CR1: variants seen among roughly 807,000 people sequenced by gnomAD.
CR1 encodes complement C3b/C4b receptor 1 (Knops blood group).
In CR1, 116 loss-of-function variants were observed where a neutral mutation model predicts 187.3. The observed-to-expected ratio is 0.62, with a 90% CI of 0.53 to 0.72. The LOEUF (loss-of-function observed/expected upper bound fraction) is 0.72. CR1 is among the 30% of genes least tolerant of loss of function. CR1 has a pLI of 0.00. For missense variants in CR1, 1,731 were observed against 2,110.7 expected (o/e 0.82, Z 3.52); for synonymous variants, 576 against 747.1 (o/e 0.77, Z 3.73).
intron 1 of CR1, among the ~76,000 whole-genome samples, chr1:207,497,993 T>G (rs1317235852): frequency 6.6e-6 from 1 of 152,222 alleles, no homozygotes; most frequent in Non-Finnish European, 1.5e-5. Context: ...AAGTAGGTGG[T>G]GGAGTTTTAT....
At chr1:207,630,391 T>G (rs1183409768) in intron 45 of CR1, 126 bp from the exon 46 acceptor site, 1 of 585,586 alleles carries the variant, frequency 1.7e-6, no homozygotes, top group Non-Finnish European at 3.0e-6. Flanking sequence ...TTCAGACGTC[T>G]TGCAAAGATA....
At chr1:207,597,039 T>C (rs1661466593) in intron 35 of CR1, among the ~76,000 whole-genome samples, 2 of 149,002 alleles carry the variant, frequency 1.3e-5, no homozygotes, top group Admixed American at 6.7e-5. Flanking sequence ...TATTATTTTA[T>C]ATCAATAAAA....
At chr1:207,592,247 C>A (rs566026837) in intron 35 of CR1, among the ~76,000 whole-genome samples, 1 of 152,162 alleles carries the variant, frequency 6.6e-6, no homozygotes, top group Non-Finnish European at 1.5e-5. Flanking sequence ...TTATCCACAA[C>A]GATCAAGCTG....
In CR1 at chr1:207,523,948, C is replaced by A; in HGVS notation, c.825C>A (p.Pro275=). Residue 275 remains proline (P), a synonymous_variant, in exon 5 of 47, where the codon CCC becomes CCA. Coordinates refer to ENST00000367049, the MANE Select transcript of CR1 (RefSeq NM_000651.6). ...RCQPGFVMKG[P]RRVKCQALNK... ...AGCCTGGCTTTGTCATGAAAGGACCCCGCCGTGTGAAGTGCCAGGCCCTGA... is the reference window on the plus strand; with the variant it reads ...AGCCTGGCTTTGTCATGAAAGGACCACGCCGTGTGAAGTGCCAGGCCCTGA... 1 of 1,611,738 alleles carries A rather than the reference C, an allele frequency of 6.2e-7. No homozygotes were observed. The highest frequency in any genetic ancestry group is 8.5e-7 in the Non-Finnish European group (1 of 1,179,724).
In CR1 at chr1:207,523,755, C is replaced by A. The variant is rs905671575; in HGVS notation, c.632C>A (p.Pro211His). Residue 211 changes from proline (P) to histidine (H), a missense_variant, in exon 5 of 47, where the codon CCC (proline) becomes CAC (histidine). Physicochemically the swap from Pro to His is moderately conservative, Grantham distance 77. Coordinates refer to ENST00000367049, the MANE Select transcript of CR1 (RefSeq NM_000651.6). ...GRKVFELVGE[P>H]SIYCTSNDDQ... Reference sequence around the variant, plus strand: ...AAGGTGTTTGAGCTTGTGGGTGAGCCCTCCATATACTGCACCAGCAATGAC... The same window carrying A: ...AAGGTGTTTGAGCTTGTGGGTGAGCACTCCATATACTGCACCAGCAATGAC... 5.0e-6 allele frequency: 8 copies of A among 1,611,972 alleles called. No homozygotes were observed. Among genetic ancestry groups the A allele is most frequent in the African/African-American group, 2.7e-5 (2 of 74,840 alleles).
intron 45 of CR1, among the ~76,000 whole-genome samples, chr1:207,627,054 T>C (rs921763827): frequency 1.8e-4 from 28 of 151,710 alleles, no homozygotes; most frequent in African/African-American, 6.3e-4. Context: ...CATAAATAAA[T>C]AAATTAAATA....
Position 207,618,124 on chromosome 1 carries a change from T to C in CR1, c.6943T>C (p.Ser2315Pro). Residue 2315 changes from serine to proline, a missense_variant, in exon 42 of 47, where the codon TCT becomes CCT. Transcript: ENST00000367049. ...CGGGCATTACATTGGAGGACACGTA[T>C]CTCTATATCTTCCTGGGATGACAAT... ...QNGHYIGGHVSLYLPGMTISY... is the reference protein window; with the variant it reads ...QNGHYIGGHVPLYLPGMTISY... 6.2e-6 allele frequency: 10 copies of C among 1,613,958 alleles called. No homozygotes were observed. Among genetic ancestry groups the C allele is most frequent in the Non-Finnish European group, 8.5e-6 (10 of 1,179,868 alleles).
At chr1:207,618,524 T>C (rs1036163767) in intron 42 of CR1, among the ~76,000 whole-genome samples, 1 of 152,130 alleles carries the variant, frequency 6.6e-6, no homozygotes, top group Non-Finnish European at 1.5e-5. Context: ...TGTTTTAAAG[T>C]GGGGTCAAAA....
At chr1:207,602,856 A>G (rs1571582866) in intron 35 of CR1, among the ~76,000 whole-genome samples, 5 of 152,154 alleles carry the variant, frequency 3.3e-5, no homozygotes, top group Admixed American at 6.5e-5. Flanking sequence ...TTCTTTATGT[A>G]GGTAACAACC....
At chr1:207,586,493 G>A (rs1558249462) in intron 33 of CR1, among the ~76,000 whole-genome samples, 1 of 152,184 alleles carries the variant, frequency 6.6e-6, no homozygotes, top group Admixed American at 6.5e-5. Flanking sequence ...CACTGTATTA[G>A]TTTCCTAGGG....
Position 207,619,818 on chromosome 1 carries a change from C to T in CR1, c.7067-62C>T, listed in dbSNP as rs184133664. The T allele has an allele frequency of 5.2e-5, 75 of 1,442,270 alleles. No individual in the cohort carries two copies. The African/African-American group carries it at 5.9e-4, about 11-fold the overall frequency. The allele number at this position is 1,442,270 out of a possible 1,614,324, so 89.3% of individuals were successfully genotyped here. A position where few individuals can be genotyped will look rare whatever the true frequency, so the allele number is the denominator to read the frequency against. ...GGTTTTGGCTATTTTCTCCTATTCT[C>T]GCAGTTAAAACGGACAATCAACAAT... On this transcript the variant is annotated intron_variant, in intron 42 of 46. Coordinates refer to ENST00000367049, the MANE Select transcript of CR1 (RefSeq NM_000651.6).
intron 4 of CR1, among the ~76,000 whole-genome samples, chr1:207,515,162 C>T (rs1659756128): frequency 1.9e-5 from 1 of 52,306 alleles, no homozygotes; most frequent in Non-Finnish European, 3.6e-5. Flanking sequence ...TATACATATA[C>T]ATATATAGGT....
chr1:207,582,368 T>G (rs1660983955), intron 32 of CR1, among the ~76,000 whole-genome samples: 1 of 152,218 alleles, frequency 6.6e-6, no homozygotes, highest in Non-Finnish European at 1.5e-5. Context: ...ATATACTCAT[T>G]CTTTCAACAG....
chr1:207,632,175 G>C (rs750404530), intron 46 of CR1, among the ~76,000 whole-genome samples: 1 of 152,096 alleles, frequency 6.6e-6, no homozygotes, highest in African/African-American at 2.4e-5. Flanking sequence ...TAGCTTATTT[G>C]TCATTACTGT....
At position 207,618,070 on chromosome 1, in the gene CR1, G is replaced by T; in HGVS notation, c.6890-1G>T. ...GTGTTTGTGTGGGAACTTGTTCTTA[G>T]CCTGCCCACATCCACCCAAGATCCA... On this transcript the variant is annotated splice_acceptor_variant, in intron 41 of 46. Coordinates refer to ENST00000367049, the MANE Select transcript of CR1 (RefSeq NM_000651.6). LOFTEE classifies it high-confidence loss of function. 6.2e-7 allele frequency: 1 copy of T among 1,612,248 alleles called. No individual in the cohort carries two copies.
intron 46 of CR1, among the ~76,000 whole-genome samples, chr1:207,634,635 C>G (rs912957747): frequency 1.3e-5 from 2 of 149,446 alleles, no homozygotes; most frequent in Non-Finnish European, 3.0e-5. Context: ...GAGCTGGAGG[C>G]CTCATCAGGA....
Position 207,638,837 on chromosome 1 carries a change from A to G in CR1, c.7458-560A>G, listed in dbSNP as rs185664447. 5.4e-3 allele frequency among the ~76,000 whole-genome samples: 826 copies of G among 152,334 alleles called. 4 individuals carry two copies. Among genetic ancestry groups the G allele is most frequent in the African/African-American group, 0.018 (764 of 41,584 alleles). On this transcript the variant is annotated intron_variant, in intron 46 of 46. Coordinates refer to ENST00000367049, the MANE Select transcript of CR1 (RefSeq NM_000651.6). ...CTACAGTCCCCTCAGGCAGTGGGCC[A>G]TATACCCCTGTGGAGATTTTTTGTG... is the stretch of plus-strand genomic sequence containing the variant.
At position 207,523,968 on chromosome 1, in the gene CR1, C is replaced by T; in HGVS notation, c.845C>T (p.Ala282Val). ...MKGPRRVKCQ[A>V]LNKWEPELPS... Reference sequence around the variant, plus strand: ...GGACCCCGCCGTGTGAAGTGCCAGGCCCTGAACAAATGGGAGCCGGAGCTA... The same window carrying T: ...GGACCCCGCCGTGTGAAGTGCCAGGTCCTGAACAAATGGGAGCCGGAGCTA... Residue 282 changes from alanine (A) to valine (V), a missense_variant, in exon 5 of 47, where the codon GCC becomes GTC. Physicochemically the swap from Ala to Val is moderately conservative, Grantham distance 64. Transcript: ENST00000367049. 6.2e-7 allele frequency: 1 copy of T among 1,611,770 alleles called. No homozygotes were observed. The highest frequency in any genetic ancestry group is 1.1e-5 in the South Asian group (1 of 90,994).
In CR1 at chr1:207,618,247, G is replaced by A. The variant is rs1662207570; in HGVS notation, c.7066G>A (p.Glu2356Lys). The A allele has an allele frequency of 1.2e-6, 2 of 1,612,836 alleles. No homozygotes were observed. The highest frequency in any genetic ancestry group is 2.7e-5 in the African/African-American group (2 of 74,862). ...GAGCCAATTGGATCATTATTGCAAA[G>A]GTGACTTATTTCTTGGTATTCCTTA... ...IWSQLDHYCKEVNCSFPLFMN... is the reference protein window; with the variant it reads ...IWSQLDHYCKKVNCSFPLFMN... Residue 2356 changes from glutamate (E) to lysine (K), a missense_variant and splice_region_variant, in exon 42 of 47, where the codon GAA (glutamate) becomes AAA (lysine). Coordinates refer to ENST00000367049, the MANE Select transcript of CR1 (RefSeq NM_000651.6).
Sources: gnomAD v4.1 joint callset for allele counts (sites outside exome capture counted in the v4.1 genomes callset) on GRCh38, gnomAD v4.1.1 for gene constraint, MANE v1.5 for transcripts, NCBI Gene and HGNC (gene_info 2026-07-23, HGNC 2026-07-21) for gene names.